Variants in NFX1 observed in about 807,000 individuals in gnomAD.
NFX1 encodes nuclear transcription factor, X-box binding 1.
NFX1 carries 69 observed loss-of-function variants against 137.2 expected under a neutral mutation model. The ratio of observed to expected loss-of-function variants is 0.50; its 90% CI spans 0.41 to 0.61. The LOEUF is 0.61. NFX1 is among the 20% of genes least tolerant of loss of function. The pLI is 0.00. For missense variants in NFX1, 1,167 were observed against 1,391.0 expected, an observed-to-expected ratio of 0.84 and a Z score of 2.56; for synonymous variants, 495 against 474.1, an observed-to-expected ratio of 1.04 and a Z score of -0.57.
At chr9:33,312,558 T>G (rs1469797200) in intron 6 of NFX1, among the ~76,000 whole-genome samples, 2 of 152,226 alleles carry the variant, frequency 1.3e-5, no homozygotes, top group Non-Finnish European at 2.9e-5. Flanking sequence ...AGAAAGAGAC[T>G]TGAAGACAAT....
chr9:33,338,239 C>T (rs1397809692), intron 11 of NFX1, among the ~76,000 whole-genome samples: 5 of 151,732 alleles, frequency 3.3e-5, no homozygotes, highest in African/African-American at 1.2e-4. Context: ...CCTGTAAGCC[C>T]AGCTACTTGG....
chr9:33,331,694 CT>C lies in NFX1; in HGVS notation c.2005-763del, dbSNP rs35980358. On this transcript the variant is annotated intron_variant, in intron 10 of 23. Coordinates refer to ENST00000379540, the MANE Select transcript of NFX1 (RefSeq NM_002504.6). Reference sequence around the variant, plus strand: ...CATCTGTTATCAACTTCAGTAGCTGCTTTTTTTTTTTTTTTCAGGATAATTT... The same window carrying C: ...CATCTGTTATCAACTTCAGTAGCTGCTTTTTTTTTTTTTTCAGGATAATTT... Among the ~76,000 whole-genome samples, 505 of 132,690 alleles carry C rather than the reference CT, an allele frequency of 3.8e-3. 6 individuals carry two copies. Among genetic ancestry groups the C allele is most frequent in the African/African-American group, 6.4e-3 (233 of 36,292 alleles). The allele number at this position is 132,690 out of a possible 152,430, so 87.0% of individuals were successfully genotyped here.
At chr9:33,311,296 C>A in intron 6 of NFX1, 119 bp downstream of exon 6, 10 of 714,570 alleles carry the variant, frequency 1.4e-5, no homozygotes, top group South Asian at 2.1e-5. Flanking sequence ...ATGAATAGTA[C>A]TTTTTTTTTT....
chr9:33,351,037 G>A lies in NFX1; in HGVS notation c.2425-523G>A, dbSNP rs183753050. ...TACACACCTGTAACCCCAGCTACTC[G>A]GGAGGCTGAGGCTGGAGAATCACTT... is the stretch of plus-strand genomic sequence containing the variant. On this transcript the variant is annotated intron_variant, in intron 15 of 23. Transcript: ENST00000379540. Among the ~76,000 whole-genome samples the A allele has an allele frequency of 3.8e-3, 580 of 152,298 alleles. 2 individuals are homozygous for A. Among genetic ancestry groups the A allele is most frequent in the Middle Eastern group, 0.02 (6 of 294 alleles).
In NFX1 at chr9:33,368,867, C is replaced by T. The variant is rs192495347; in HGVS notation, c.3291-1039C>T. Among the ~76,000 whole-genome samples the T allele has an allele frequency of 8.5e-5, 13 of 152,248 alleles. No individual in the cohort carries two copies. The East Asian group carries it at 2.5e-3, about 30-fold the overall frequency. On this transcript the variant is annotated intron_variant, in intron 23 of 23. Coordinates refer to ENST00000379540, the MANE Select transcript of NFX1 (RefSeq NM_002504.6). ...TGAGCTCAGACTCAGCCAAGAGCGT[C>T]CTGGTCCCCAGGACCAGCCCCTCTC...
chr9:33,332,222 A>G (rs1194913413), intron 10 of NFX1, among the ~76,000 whole-genome samples: 1 of 152,130 alleles, frequency 6.6e-6, no homozygotes, highest in African/African-American at 2.4e-5. Context: ...GAATTTGGAG[A>G]CCAGACCACA....
rs1467910829 is a variant in NFX1, at chr9:33,347,164, G to T, written c.2424+47G>T. On this transcript the variant is annotated intron_variant, in intron 15 of 23. Transcript: ENST00000379540. ...CTCATTGTTCCAGGCAGAGGTTCAT[G>T]ATTTTATTACTTAAGAATTGTTAGT... The T allele has an allele frequency of 3.6e-6, 5 of 1,384,152 alleles. No individual in the cohort carries two copies. In the African/African-American group the frequency reaches 5.7e-5, roughly 16 times the overall value. 85.7% of individuals were successfully genotyped at this position (1,384,152 alleles called of 1,614,324 possible).
chr9:33,332,596 T>C lies in NFX1; in HGVS notation c.2035+94T>C, dbSNP rs139424941. 6.3e-5 allele frequency: 53 copies of C among 841,246 alleles called. No homozygotes were observed. The African/African-American group carries it at 8.4e-4, about 13-fold the overall frequency. 52.1% of individuals were successfully genotyped at this position (841,246 alleles called of 1,614,324 possible). On this transcript the variant is annotated intron_variant, in intron 11 of 23. Transcript: ENST00000379540. The stretch of plus-strand genomic sequence containing the variant: ...AGTTGGGTTATGTATTTGTCAAAAT[T>C]CAGTGAAGGCATACTTAAGATTTGT...
chr9:33,332,747 A>G, intron 11 of NFX1: 2 of 405,780 alleles, frequency 4.9e-6, no homozygotes, highest in Non-Finnish European at 9.0e-6. Flanking sequence ...AAAGAAAATT[A>G]GTGGGTAGGT....
intron 11 of NFX1, among the ~76,000 whole-genome samples, chr9:33,335,975 T>A (rs928742558): frequency 1.3e-5 from 2 of 152,242 alleles, no homozygotes; most frequent in African/African-American, 2.4e-5. Flanking sequence ...TTGGCTATTG[T>A]GAATAGTGCT....
At chr9:33,352,472 A>G in intron 16 of NFX1, 174 bp from the exon 17 acceptor site, 1 of 698,410 alleles carries the variant, frequency 1.4e-6, no homozygotes, top group Non-Finnish European at 2.6e-6. Context: ...CTTTCCTAGC[A>G]TGTCAACAAC....
At chr9:33,357,015 C>T (rs762875485) in intron 19 of NFX1, among the ~76,000 whole-genome samples, 7 of 151,166 alleles carry the variant, frequency 4.6e-5, no homozygotes, top group Non-Finnish European at 8.8e-5. Context: ...AAAAATAAGC[C>T]GGGCATGGTG....
chr9:33,358,017 T>C (rs2118665420), intron 19 of NFX1, among the ~76,000 whole-genome samples: 1 of 152,336 alleles, frequency 6.6e-6, no homozygotes, highest in Non-Finnish European at 1.5e-5. Flanking sequence ...TTCTTTGATT[T>C]CTCTCAATGA....
chr9:33,367,644 AG>A, intron 23 of NFX1, 25 bp downstream of exon 23: 3 of 1,608,432 alleles, frequency 1.9e-6, no homozygotes, highest in Non-Finnish European at 8.5e-7. Context: ...CTGCTTTCCA[AG>A]GGGACCTGTC....
intron 2 of NFX1, among the ~76,000 whole-genome samples, chr9:33,298,306 GA>G (rs1821432462): frequency 6.6e-6 from 1 of 152,224 alleles, no homozygotes; most frequent in East Asian, 1.9e-4. Flanking sequence ...TAGGCAGAGG[GA>G]GGAGCAAATT....
chr9:33,291,075 C>T (rs1402555177), intron 1 of NFX1, among the ~76,000 whole-genome samples: 2 of 152,186 alleles, frequency 1.3e-5, no homozygotes, highest in African/African-American at 4.8e-5. Context: ...CCTCATCTGT[C>T]AGTTGGGAGT....
chr9:33,341,008 G>C (rs1313530618), intron 12 of NFX1, among the ~76,000 whole-genome samples: 1 of 152,186 alleles, frequency 6.6e-6, no homozygotes, highest in Non-Finnish European at 1.5e-5. Context: ...CCTCCAGACT[G>C]TTCCAACATC....
chr9:33,346,134 C>A (rs912736650), intron 14 of NFX1, among the ~76,000 whole-genome samples: 1 of 152,124 alleles, frequency 6.6e-6, no homozygotes, highest in African/African-American at 2.4e-5. Flanking sequence ...GATAGCCCTC[C>A]CAGCGTAGTT....
Position 33,294,673 on chromosome 9 carries a change from TAA to T in NFX1, c.281_282del (p.Lys94IlefsTer18). ...CGTCTTTCCAGTCCTCTCCTTGTAA[TAA>T]ATCGCCCAAGAGCCATGGCCTTCAG... ...QTSFQSSPCN[K>X]SPKSHGLQNQ... On this transcript the variant is annotated frameshift_variant, in exon 2 of 24. Coordinates refer to ENST00000379540, the MANE Select transcript of NFX1 (RefSeq NM_002504.6). LOFTEE classifies it high-confidence loss of function. The T allele has an allele frequency of 6.2e-7, 1 of 1,614,124 alleles. No individual in the cohort carries two copies. Among genetic ancestry groups the T allele is most frequent in the Non-Finnish European group, 8.5e-7 (1 of 1,180,022 alleles).
Sources: gnomAD v4.1 joint callset for allele counts (sites outside exome capture counted in the v4.1 genomes callset) on GRCh38, gnomAD v4.1.1 for gene constraint, MANE v1.5 for transcripts, NCBI Gene and HGNC (gene_info 2026-07-23, HGNC 2026-07-21) for gene names.